Variants in FGF10 observed in about 807,000 individuals in gnomAD.
The protein encoded by FGF10 is FGF-10.
Under a neutral mutation model 19.8 loss-of-function variants are expected in FGF10, and 2 were observed. The ratio of observed to expected loss-of-function variants is 0.10; its 90% CI spans 0.04 to 0.32. The LOEUF is 0.32. Among genes scored for constraint, FGF10 ranks in the 10% least tolerant of loss-of-function variants. The probability of loss-of-function intolerance (pLI) is 1.00; values close to 1 mark genes in which losing one functional copy is unlikely to be tolerated. For missense variants in FGF10, 191 were observed against 246.3 expected (o/e 0.78, Z 1.50); for synonymous variants, 112 against 94.0 (o/e 1.19, Z -1.10).
At chr5:44,371,600 C>T (rs997589205) in intron 1 of FGF10, among the ~76,000 whole-genome samples, 1 of 152,056 alleles carries the variant, frequency 6.6e-6, no homozygotes, top group East Asian at 1.9e-4. Flanking sequence ...GAATGTATCG[C>T]CCAAAGGAAA....
At chr5:44,336,527 G>A (rs2111775448) in intron 1 of FGF10, among the ~76,000 whole-genome samples, 1 of 152,232 alleles carries the variant, frequency 6.6e-6, no homozygotes. Flanking sequence ...GAGAGGTGGA[G>A]AAGAACTGTC....
chr5:44,336,783 C>G (rs1367525372), intron 1 of FGF10, among the ~76,000 whole-genome samples: 2 of 152,100 alleles, frequency 1.3e-5, no homozygotes, highest in Non-Finnish European at 2.9e-5. Flanking sequence ...GGTAAAATGA[C>G]AGTTACTTTT....
rs192681464 is a variant in FGF10, at chr5:44,337,738, G to A, written c.326-27208C>T. 2.1e-3 allele frequency among the ~76,000 whole-genome samples: 327 copies of A among 152,162 alleles called. 1 individual carries two copies. Among genetic ancestry groups the A allele is most frequent in the Non-Finnish European group, 4.0e-3 (275 of 67,992 alleles). On this transcript the variant is annotated intron_variant, in intron 1 of 2. Coordinates refer to ENST00000264664, the MANE Select transcript of FGF10 (RefSeq NM_004465.2). ...AGGTGGATCACGAGGTCAGGAGATCGAGACCATCCTGGCTAACACAGTGAA... is the reference window on the plus strand; with the variant it reads ...AGGTGGATCACGAGGTCAGGAGATCAAGACCATCCTGGCTAACACAGTGAA...
At chr5:44,381,046 G>T (rs900991468) in intron 1 of FGF10, among the ~76,000 whole-genome samples, 1 of 152,114 alleles carries the variant, frequency 6.6e-6, no homozygotes, top group Non-Finnish European at 1.5e-5. Context: ...TGTTATGTAT[G>T]CAAATAATTT....
At chr5:44,373,740 C>G (rs1741795477) in intron 1 of FGF10, among the ~76,000 whole-genome samples, 1 of 152,134 alleles carries the variant, frequency 6.6e-6, no homozygotes, top group Non-Finnish European at 1.5e-5. Context: ...TAGGCATTCT[C>G]TACTGTGCCT....
chr5:44,376,319 TAGTGTC>T (rs1270317121), intron 1 of FGF10, among the ~76,000 whole-genome samples: 2 of 151,666 alleles, frequency 1.3e-5, no homozygotes, highest in Admixed American at 1.3e-4. Flanking sequence ...CAAGAGCTCA[TAGTGTC>T]AGTAGGGGGG....
rs1739980764 is a variant in FGF10, at chr5:44,302,275, TTTCCTTGCTTCCTTCCTTCCTTCC to T, written c.*2696_*2719del. Among the ~76,000 whole-genome samples, 3 of 136,350 alleles carry T rather than the reference TTTCCTTGCTTCCTTCCTTCCTTCC, an allele frequency of 2.2e-5. No individual in the cohort carries two copies. The highest frequency in any genetic ancestry group is 5.7e-5 in the African/African-American group (2 of 35,286). 89.5% of individuals were successfully genotyped at this position (136,350 alleles called of 152,430 possible). A position where few individuals can be genotyped will look rare whatever the true frequency, so the allele number is the denominator to read the frequency against. ...CCTCCCTTCTTTCCTTCCTTCCTTC[TTTCCTTGCTTCCTTCCTTCCTTCC>T]TTCCTTCCTTCCTTCCTTCCTTCCT... On this transcript the variant is annotated 3_prime_UTR_variant, in exon 3 of 3. Transcript: ENST00000264664.
intron 1 of FGF10, among the ~76,000 whole-genome samples, chr5:44,359,153 C>T (rs1399692598): frequency 1.3e-5 from 2 of 151,412 alleles, no homozygotes; most frequent in African/African-American, 4.8e-5. Context: ...TCTTTTGCAC[C>T]ATCTAAGCAC....
chr5:44,384,774 C>T (rs754674389), intron 1 of FGF10, among the ~76,000 whole-genome samples: 1 of 152,124 alleles, frequency 6.6e-6, no homozygotes, highest in Non-Finnish European at 1.5e-5. Flanking sequence ...ATACTACATA[C>T]TCTTTACATA....
rs1053213693 is a variant in FGF10, at chr5:44,304,672, C to T, written c.*323G>A. ...GTTCTTTCAACAGATTGTTCTATGT[C>T]CTTTAAGTTCTATCTCAGAGGTTTA... On this transcript the variant is annotated 3_prime_UTR_variant, in exon 3 of 3. Coordinates refer to ENST00000264664, the MANE Select transcript of FGF10 (RefSeq NM_004465.2). 5.9e-5 allele frequency: 20 copies of T among 336,604 alleles called. No homozygotes were observed. Among genetic ancestry groups the T allele is most frequent in the Non-Finnish European group, 4.5e-5 (8 of 177,316 alleles). The allele number at this position is 336,604 out of a possible 1,614,324, so 20.9% of individuals were successfully genotyped here.
At chr5:44,311,390 T>C (rs1740208362) in intron 1 of FGF10, among the ~76,000 whole-genome samples, 1 of 152,080 alleles carries the variant, frequency 6.6e-6, no homozygotes, top group South Asian at 2.1e-4. Flanking sequence ...AAACTACTTA[T>C]TTCATAACTC....
rs1355715040 is a variant in FGF10, at chr5:44,304,450, C to T, written c.*545G>A. 6.3e-6 allele frequency: 1 copy of T among 157,972 alleles called. No individual in the cohort carries two copies. Among genetic ancestry groups the T allele is most frequent in the Admixed American group, 6.1e-5 (1 of 16,504 alleles). 9.8% of individuals were successfully genotyped at this position (157,972 alleles called of 1,614,324 possible). ...TATTGTTAGAACAGTTTCACACTAA[C>T]ATGTTTATATTTTTAAATTCTATTC... On this transcript the variant is annotated 3_prime_UTR_variant, in exon 3 of 3. Coordinates refer to ENST00000264664, the MANE Select transcript of FGF10 (RefSeq NM_004465.2).
At position 44,331,862 on chromosome 5, in the gene FGF10, T is replaced by C. The variant is rs1242490196; in HGVS notation, c.326-21332A>G. On this transcript the variant is annotated intron_variant, in intron 1 of 2. Coordinates refer to ENST00000264664, the MANE Select transcript of FGF10 (RefSeq NM_004465.2). Reference sequence around the variant, plus strand: ...AGAATGTCTAACAGTGCCATGAATATTGTGGTTACTCAATACTTAGTGATT... The same window carrying C: ...AGAATGTCTAACAGTGCCATGAATACTGTGGTTACTCAATACTTAGTGATT... 2.6e-5 allele frequency among the ~76,000 whole-genome samples: 4 copies of C among 152,086 alleles called. 1 individual carries two copies.
At chr5:44,343,727 G>A (rs1202460577) in intron 1 of FGF10, among the ~76,000 whole-genome samples, 1 of 151,908 alleles carries the variant, frequency 6.6e-6, no homozygotes, top group East Asian at 1.9e-4. Context: ...ATAGCATATA[G>A]CCACAATTTA....
chr5:44,337,376 A>C (rs1236506575), intron 1 of FGF10, among the ~76,000 whole-genome samples: 1 of 152,156 alleles, frequency 6.6e-6, no homozygotes, highest in Non-Finnish European at 1.5e-5. Flanking sequence ...ACACCGACTG[A>C]CGCAACTAGT....
At chr5:44,338,282 T>C (rs1017533533) in intron 1 of FGF10, among the ~76,000 whole-genome samples, 2 of 152,182 alleles carry the variant, frequency 1.3e-5, no homozygotes, top group Non-Finnish European at 2.9e-5. Flanking sequence ...ACATTATTGG[T>C]TATTTTTATT....
At chr5:44,305,959 C>T (rs1740066537) in intron 2 of FGF10, among the ~76,000 whole-genome samples, 1 of 152,124 alleles carries the variant, frequency 6.6e-6, no homozygotes, top group African/African-American at 2.4e-5. Context: ...ATCCCATAGC[C>T]ATAGAGCTTT....
intron 1 of FGF10, among the ~76,000 whole-genome samples, chr5:44,335,547 T>C (rs1486090424): frequency 6.6e-6 from 1 of 152,172 alleles, no homozygotes; most frequent in African/African-American, 2.4e-5. Context: ...ATGTTAAACA[T>C]ATTCATTGAT....
At chr5:44,326,356 A>G (rs1053359600) in intron 1 of FGF10, among the ~76,000 whole-genome samples, 1 of 152,152 alleles carries the variant, frequency 6.6e-6, no homozygotes, top group African/African-American at 2.4e-5. Flanking sequence ...AGAGGATGGC[A>G]TATTTAGCTT....
Sources: allele counts gnomAD v4.1 joint callset (sites outside exome capture counted in the v4.1 genomes callset), GRCh38; gene constraint gnomAD v4.1.1; transcripts MANE v1.5; gene names NCBI Gene and HGNC (gene_info 2026-07-23, HGNC 2026-07-21).